Variants in MGMT observed in about 807,000 individuals in gnomAD.
MGMT encodes methylated-DNA--protein-cysteine methyltransferase.
A neutral mutation model predicts 15.9 loss-of-function variants in MGMT; 14 were observed. That is an observed-to-expected ratio of 0.88 (90% CI 0.58 to 1.37). The LOEUF (loss-of-function observed/expected upper bound fraction) is 1.37, where lower values mean the gene tolerates loss of function less well. MGMT is among the 40% of genes most tolerant of loss of function. The probability of loss-of-function intolerance (pLI) is 0.00; values close to 1 mark genes in which losing one functional copy is unlikely to be tolerated. For synonymous variants in MGMT, 130 were observed against 118.2 expected (o/e 1.10, Z -0.65); for missense variants, 282 against 268.1 (o/e 1.05, Z -0.36).
intron 4 of MGMT, among the ~76,000 whole-genome samples, chr10:129,764,423 G>C (rs912812076): frequency 6.6e-6 from 1 of 152,252 alleles, no homozygotes; most frequent in African/African-American, 2.4e-5. Flanking sequence ...GCAGGTACAT[G>C]TGTGGCAGTG....
chr10:129,503,688 T>C (rs1040960175), intron 1 of MGMT, among the ~76,000 whole-genome samples: 1 of 152,218 alleles, frequency 6.6e-6, no homozygotes, highest in Non-Finnish European at 1.5e-5. Context: ...TATTGTGTTA[T>C]GCCTAGTTGC....
intron 1 of MGMT, among the ~76,000 whole-genome samples, chr10:129,479,840 G>A (rs1320319036): frequency 6.6e-6 from 1 of 151,954 alleles, no homozygotes; most frequent in Non-Finnish European, 1.5e-5. Flanking sequence ...CTTGCTGGGG[G>A]TCCTCACATT....
chr10:129,482,124 T>C (rs1428074215), intron 1 of MGMT, among the ~76,000 whole-genome samples: 3 of 152,218 alleles, frequency 2.0e-5, no homozygotes, highest in Non-Finnish European at 4.4e-5. Context: ...AGTGGCGTAT[T>C]TCCCAATTTT....
intron 2 of MGMT, among the ~76,000 whole-genome samples, chr10:129,600,698 C>CA (rs1443411555): frequency 6.6e-6 from 1 of 152,180 alleles, no homozygotes; most frequent in Non-Finnish European, 1.5e-5. Context: ...AGGCTGCCCG[C>CA]AAAATGGCCT....
chr10:129,713,128 TGAAAG>T (rs1388826223), intron 3 of MGMT, among the ~76,000 whole-genome samples: 2 of 152,112 alleles, frequency 1.3e-5, no homozygotes, highest in African/African-American at 4.8e-5. Flanking sequence ...AATTACCAAT[TGAAAG>T]AGAAGAGAAT....
At chr10:129,698,936 G>A (rs1378305128) in intron 2 of MGMT, among the ~76,000 whole-genome samples, 1 of 152,180 alleles carries the variant, frequency 6.6e-6, no homozygotes, top group Non-Finnish European at 1.5e-5. Flanking sequence ...TTGTGCTTAA[G>A]CCTCATGGGC....
intron 1 of MGMT, among the ~76,000 whole-genome samples, chr10:129,516,420 G>A (rs187736179): frequency 2.0e-5 from 3 of 152,264 alleles, no homozygotes; most frequent in Non-Finnish European, 2.9e-5. Context: ...ACAGTGGCGT[G>A]GGGTGGGGTG....
intron 2 of MGMT, among the ~76,000 whole-genome samples, chr10:129,647,341 A>C (rs968415570): frequency 1.3e-5 from 2 of 152,190 alleles, no homozygotes; most frequent in African/African-American, 4.8e-5. Context: ...CGGGAGATCA[A>C]GAAATACGTT....
At chr10:129,762,197 C>T (rs1038368955) in intron 4 of MGMT, among the ~76,000 whole-genome samples, 2 of 152,166 alleles carry the variant, frequency 1.3e-5, no homozygotes, top group Non-Finnish European at 2.9e-5. Flanking sequence ...CGCTGAGACT[C>T]GCTCATTGAA....
At chr10:129,737,130 C>G (rs1476985271) in intron 3 of MGMT, among the ~76,000 whole-genome samples, 6 of 152,258 alleles carry the variant, frequency 3.9e-5, no homozygotes, top group African/African-American at 1.2e-4. Context: ...GGGAAGTTCT[C>G]CTGGATAATA....
rs376985610 is a variant in MGMT, at chr10:129,691,689, A to G, written c.126-16206A>G. The stretch of plus-strand genomic sequence containing the variant: ...AGGGGCCCGGGAGTGTGCCTGCCAC[A>G]TGGACACTGGAGCGAAGGTGCACCC... On this transcript the variant is annotated intron_variant, in intron 2 of 4. Coordinates refer to ENST00000651593, the MANE Select transcript of MGMT (RefSeq NM_002412.5). Among the ~76,000 whole-genome samples, 39 of 152,174 alleles carry G rather than the reference A, an allele frequency of 2.6e-4. 1 individual carries two copies. The highest frequency in any genetic ancestry group is 2.1e-3 in the Admixed American group (32 of 15,298).
intron 2 of MGMT, among the ~76,000 whole-genome samples, chr10:129,551,970 C>T (rs562779852): frequency 5.3e-5 from 8 of 152,276 alleles, no homozygotes; most frequent in Admixed American, 2.6e-4. Flanking sequence ...CCAGGCTTGC[C>T]GGAAGTGGGG....
At chr10:129,529,967 C>T (rs368577807) in intron 1 of MGMT, among the ~76,000 whole-genome samples, 9 of 152,144 alleles carry the variant, frequency 5.9e-5, no homozygotes, top group African/African-American at 1.7e-4. Context: ...GTGGCACTAC[C>T]GTGGCTCACT....
At chr10:129,502,840 C>G (rs1286535034) in intron 1 of MGMT, among the ~76,000 whole-genome samples, 1 of 152,006 alleles carries the variant, frequency 6.6e-6, no homozygotes, top group Non-Finnish European at 1.5e-5. Context: ...AACAAGATGT[C>G]GAGACAAACA....
chr10:129,647,756 CA>C (rs1194125644), intron 2 of MGMT, among the ~76,000 whole-genome samples: 1 of 152,198 alleles, frequency 6.6e-6, no homozygotes, highest in Non-Finnish European at 1.5e-5. Context: ...CTCTTACCAA[CA>C]GATGACAATC....
intron 2 of MGMT, among the ~76,000 whole-genome samples, chr10:129,648,230 CTG>C (rs1328491108): frequency 6.6e-6 from 1 of 152,198 alleles, no homozygotes; most frequent in Non-Finnish European, 1.5e-5. Flanking sequence ...GAACTCCAGT[CTG>C]TAGAGATTTT....
chr10:129,737,876 G>A (rs189665425), intron 3 of MGMT, among the ~76,000 whole-genome samples: 265 of 152,290 alleles, frequency 1.7e-3, no homozygotes, highest in African/African-American at 6.2e-3. Flanking sequence ...GAGGGTCAGG[G>A]GTCAGGGACC....
At chr10:129,756,814 G>A (rs1160705185) in intron 3 of MGMT, among the ~76,000 whole-genome samples, 1 of 152,218 alleles carries the variant, frequency 6.6e-6, no homozygotes, top group Non-Finnish European at 1.5e-5. Flanking sequence ...CACCTGAAGT[G>A]ATTGTTCCAG....
chr10:129,739,653 AG>A (rs1357232898), intron 3 of MGMT, among the ~76,000 whole-genome samples: 1 of 152,164 alleles, frequency 6.6e-6, no homozygotes, highest in Non-Finnish European at 1.5e-5. Context: ...GATCAGAACC[AG>A]GTCAGAACCC....
Sources: gnomAD v4.1 joint callset for allele counts (sites outside exome capture counted in the v4.1 genomes callset) on GRCh38, gnomAD v4.1.1 for gene constraint, MANE v1.5 for transcripts, NCBI Gene and HGNC (gene_info 2026-07-23, HGNC 2026-07-21) for gene names.